Variants in PDGFRA observed in about 807,000 individuals in gnomAD.
The protein encoded by PDGFRA is platelet derived growth factor receptor alpha.
PDGFRA carries 25 observed loss-of-function variants against 121.5 expected under a neutral mutation model. That is an observed-to-expected ratio of 0.21 (90% CI 0.15 to 0.29). The LOEUF is 0.29. Ranked by LOEUF, PDGFRA falls within the 10% of genes least tolerant of loss-of-function variation. The pLI is 1.00. For missense variants in PDGFRA, 1,008 were observed against 1,345.1 expected (o/e 0.75, Z 3.92); for synonymous variants, 463 against 494.8 (o/e 0.94, Z 0.85).
At chr4:54,230,885 G>T (rs757646057) in intron 1 of PDGFRA, among the ~76,000 whole-genome samples, 10 of 152,228 alleles carry the variant, frequency 6.6e-5, no homozygotes, top group Non-Finnish European at 1.2e-4. Flanking sequence ...CAGGGAGCGG[G>T]CGGCGTCCAT....
chr4:54,295,449 G>T lies in PDGFRA; in HGVS notation c.*177G>T. 1 of 624,328 alleles carries T rather than the reference G, an allele frequency of 1.6e-6. No individual in the cohort carries two copies. Among genetic ancestry groups the T allele is most frequent in the Middle Eastern group, 4.4e-4 (1 of 2,280 alleles). The allele number at this position is 624,328 out of a possible 1,614,324, so 38.7% of individuals were successfully genotyped here. On this transcript the variant is annotated 3_prime_UTR_variant, in exon 23 of 23. Coordinates refer to ENST00000257290, the MANE Select transcript of PDGFRA (RefSeq NM_006206.6). ...ATGAATGAATGGGATATTTTGAAAT[G>T]AACTTTGTCAGTGTTGCCTCTTGCA...
Position 54,277,933 on chromosome 4 carries a change from T to C in PDGFRA, c.1929T>C (p.Ser643=), listed in dbSNP as rs2110311252. ...ARSSEKQALM[S]ELKIMTHLGP... is the part of the protein sequence containing the mutation. ...CCAGTGAAAAACAAGCTCTCATGTC[T>C]GAACTGAAGATAATGACTCACCTGG... Residue 643 remains serine (S), a synonymous_variant, in exon 14 of 23, where the codon TCT becomes TCC. Coordinates refer to ENST00000257290, the MANE Select transcript of PDGFRA (RefSeq NM_006206.6). The C allele has an allele frequency of 6.2e-7, 1 of 1,613,926 alleles. No individual in the cohort carries two copies. Among genetic ancestry groups the C allele is most frequent in the South Asian group, 1.1e-5 (1 of 91,076 alleles).
At chr4:54,239,139 C>T (rs1158988632) in intron 1 of PDGFRA, among the ~76,000 whole-genome samples, 3 of 152,186 alleles carry the variant, frequency 2.0e-5, no homozygotes, top group South Asian at 2.1e-4. Context: ...GACACTCCCA[C>T]CAGTGCCATG....
chr4:54,247,675 G>C (rs530723396), intron 1 of PDGFRA, among the ~76,000 whole-genome samples: 100 of 152,146 alleles, frequency 6.6e-4, no homozygotes, highest in African/African-American at 2.0e-3. Context: ...ACAGGGATGC[G>C]CTCTCTCACC....
At chr4:54,279,340 T>C (rs1180238894) in intron 15 of PDGFRA, among the ~76,000 whole-genome samples, 1 of 152,158 alleles carries the variant, frequency 6.6e-6, no homozygotes, top group Non-Finnish European at 1.5e-5. Flanking sequence ...GAGTCCTTTG[T>C]ATGTGCCAGG....
intron 1 of PDGFRA, among the ~76,000 whole-genome samples, chr4:54,241,250 A>G (rs1485946667): frequency 1.3e-5 from 2 of 152,190 alleles, no homozygotes; most frequent in Admixed American, 6.5e-5. Context: ...ATAAAAAACA[A>G]TAAGCAGTGG....
intron 1 of PDGFRA, among the ~76,000 whole-genome samples, chr4:54,237,452 G>C (rs911410748): frequency 6.6e-6 from 1 of 152,228 alleles, no homozygotes; most frequent in African/African-American, 2.4e-5. Context: ...TCTTTGGCAA[G>C]TCTTGCCAAA....
At chr4:54,285,782 G>C (rs550173632) in intron 17 of PDGFRA, 59 bp from the exon 18 acceptor site, 1 of 1,487,814 alleles carries the variant, frequency 6.7e-7, no homozygotes, top group Non-Finnish European at 9.1e-7. Flanking sequence ...TCTTGCAGGG[G>C]TGATGCTATT....
intron 1 of PDGFRA, among the ~76,000 whole-genome samples, chr4:54,241,561 T>G (rs372732861): frequency 6.7e-6 from 1 of 148,930 alleles, no homozygotes; most frequent in African/African-American, 2.5e-5. Flanking sequence ...ATTTATGATT[T>G]ATTTTGAGAA....
At chr4:54,240,094 C>A in intron 1 of PDGFRA, 1 of 404,824 alleles carries the variant, frequency 2.5e-6, no homozygotes, top group Non-Finnish European at 5.1e-6. Flanking sequence ...CTCAAATGAT[C>A]TGCCTGCCTC....
intron 4 of PDGFRA, 90 bp from the exon 5 acceptor site, chr4:54,264,829 T>C: frequency 8.1e-7 from 1 of 1,228,034 alleles, no homozygotes; most frequent in Non-Finnish European, 1.2e-6. Context: ...TTTTCAGGGT[T>C]TTCTTAAAAA....
In PDGFRA at chr4:54,288,912, C is replaced by T. The variant is rs2110345221; in HGVS notation, c.2774+14C>T. 1.3e-6 allele frequency: 2 copies of T among 1,586,002 alleles called. No individual in the cohort carries two copies. Among genetic ancestry groups the T allele is most frequent in the Non-Finnish European group, 1.7e-6 (2 of 1,154,312 alleles). ...TACCAGTGAAGTGTGAGCTCCTTCC[C>T]CATCCCGGGGGCCTGTGTTCACAGT... On this transcript the variant is annotated intron_variant, in intron 20 of 22. Transcript: ENST00000257290.
At chr4:54,244,029 G>A (rs1399611550) in intron 1 of PDGFRA, among the ~76,000 whole-genome samples, 1 of 152,228 alleles carries the variant, frequency 6.6e-6, no homozygotes, top group Non-Finnish European at 1.5e-5. Context: ...GCCCACCATT[G>A]CCCAGGCTTG....
rs917240627 is a variant in PDGFRA at position 54,229,330 on chromosome 4, A to G, written c.-98A>G. On this transcript the variant is annotated 5_prime_UTR_variant, in exon 1 of 23. Transcript: ENST00000257290. The stretch of plus-strand genomic sequence containing the variant: ...GCTACAGGGAGAGAAACAGAGGAGG[A>G]GACTGCAAGAGATCATTGGAGGCCG... 5.0e-6 allele frequency: 2 copies of G among 398,528 alleles called. No individual in the cohort carries two copies. Among genetic ancestry groups the G allele is most frequent in the Admixed American group, 8.8e-5 (2 of 22,710 alleles). 24.7% of individuals were successfully genotyped at this position (398,528 alleles called of 1,614,324 possible).
rs1724302868 is a variant in PDGFRA, at chr4:54,285,423, A to T, written c.2376A>T (p.Leu792Phe). 2.5e-6 allele frequency: 4 copies of T among 1,590,544 alleles called. No homozygotes were observed. Among genetic ancestry groups the T allele is most frequent in the Non-Finnish European group, 3.5e-6 (4 of 1,158,630 alleles). Residue 792 changes from leucine to phenylalanine, a missense_variant, in exon 17 of 23, where the codon TTA becomes TTT. This residue lies in a region of PDGFRA where 128 missense variants were observed against 147.6 expected (regional missense o/e 0.87). Coordinates refer to ENST00000257290, the MANE Select transcript of PDGFRA (RefSeq NM_006206.6). The stretch of plus-strand genomic sequence containing the variant: ...ATGATAACTCAGAAGGCCTTACTTT[A>T]TTGGATTTGTTGAGCTTCACCTATC... ...LSDDNSEGLT[L>F]LDLLSFTYQV... is the part of the protein sequence containing the mutation.
Position 54,274,477 on chromosome 4 carries a change from CT to C in PDGFRA, c.1559-53del, listed in dbSNP as rs1323213970. The C allele has an allele frequency of 5.6e-6, 7 of 1,253,274 alleles. No individual in the cohort carries two copies. The East Asian group carries it at 1.6e-4, about 29-fold the overall frequency. 77.6% of individuals were successfully genotyped at this position (1,253,274 alleles called of 1,614,324 possible). A position where few individuals can be genotyped will look rare whatever the true frequency, so the allele number is the denominator to read the frequency against. ...ACACAGCCACACTACCTTGCTGCCCCTGTGCATGTCTGCCAGGAAACTTTTC... is the reference window on the plus strand; with the variant it reads ...ACACAGCCACACTACCTTGCTGCCCCGTGCATGTCTGCCAGGAAACTTTTC... On this transcript the variant is annotated intron_variant, in intron 10 of 22. Transcript: ENST00000257290.
chr4:54,267,100 A>G (rs1723068411), intron 5 of PDGFRA, among the ~76,000 whole-genome samples, 189 bp from the exon 6 acceptor site: 1 of 152,124 alleles, frequency 6.6e-6, no homozygotes, highest in South Asian at 2.1e-4. Context: ...AGGTACAGAG[A>G]TTTCCCATGT....
In PDGFRA at chr4:54,270,627, TA is replaced by T. The variant is rs1723288298; in HGVS notation, c.1122-2del. The T allele has an allele frequency of 2.0e-6, 3 of 1,535,996 alleles. No individual in the cohort carries two copies. Among genetic ancestry groups the T allele is most frequent in the Non-Finnish European group, 2.7e-6 (3 of 1,109,414 alleles). ...GCTTGTTGAAACAAAATCCTTTTTT[TA>T]AAAGGTATCGAAGCAAATTAAAGCT... On this transcript the variant is annotated splice_region_variant and splice_polypyrimidine_tract_variant and intron_variant, in intron 7 of 22. Transcript: ENST00000257290.
At chr4:54,279,696 C>T (rs1386779518) in intron 15 of PDGFRA, among the ~76,000 whole-genome samples, 1 of 152,058 alleles carries the variant, frequency 6.6e-6, no homozygotes, top group East Asian at 1.9e-4. Context: ...TCTTTTATCC[C>T]TCACCTGCCT....
Sources: allele counts gnomAD v4.1 joint callset (sites outside exome capture counted in the v4.1 genomes callset), GRCh38; gene constraint gnomAD v4.1.1; regional missense constraint gnomAD v4.1.1; transcripts MANE v1.5; gene names NCBI Gene and HGNC (gene_info 2026-07-23, HGNC 2026-07-21).